Variants in COL6A6 observed in about 807,000 individuals in gnomAD.
COL6A6 encodes collagen type VI alpha 6 chain.
A neutral mutation model predicts 208.6 loss-of-function variants in COL6A6; 183 were observed. The observed-to-expected ratio is 0.88, with a 90% CI of 0.78 to 0.99. COL6A6 has a LOEUF of 0.99. Among genes scored for constraint, COL6A6 ranks in the 50% least tolerant of loss-of-function variants. COL6A6 has a pLI of 0.00. For missense variants in COL6A6, 2,816 were observed against 2,815.2 expected, an observed-to-expected ratio of 1.00 and a Z score of -0.01; for synonymous variants, 973 against 1,011.8, an observed-to-expected ratio of 0.96 and a Z score of 0.73.
rs1172793215 is a variant in COL6A6 at position 130,626,502 on chromosome 3, G to A, written c.4896G>A (p.Leu1632=). 1.9e-6 allele frequency: 3 copies of A among 1,613,172 alleles called. No homozygotes were observed. In the South Asian group the frequency reaches 3.3e-5, roughly 18 times the overall value. ...TTTAACAGGGAGAACCTGGAGATCTGGGAGAAAAAGGAGCTGTTGGCTTTC... is the reference window on the plus strand; with the variant it reads ...TTTAACAGGGAGAACCTGGAGATCTAGGAGAAAAAGGAGCTGTTGGCTTTC... ...SQGNKGEPGD[L]GEKGAVGFPG... The change falls in exon 25 of 37, where the codon CTG becomes CTA. Residue 1632 remains leucine, a synonymous_variant. Coordinates refer to ENST00000358511, the MANE Select transcript of COL6A6 (RefSeq NM_001102608.3).
chr3:130,673,102 C>T (rs2066262449), intron 36 of COL6A6, among the ~76,000 whole-genome samples: 1 of 147,832 alleles, frequency 6.8e-6, no homozygotes, highest in South Asian at 2.2e-4. Context: ...TTGCTTGAAC[C>T]CGGGAGGCAG....
At chr3:130,627,233 A>G in intron 25 of COL6A6, 86 bp from the exon 26 acceptor site, 1 of 1,330,906 alleles carries the variant, frequency 7.5e-7, no homozygotes, top group Non-Finnish European at 1.1e-6. Flanking sequence ...TATCAAACCA[A>G]AAAGCTGGCA....
intron 26 of COL6A6, among the ~76,000 whole-genome samples, chr3:130,627,968 G>T (rs1223832924): frequency 6.6e-6 from 1 of 152,132 alleles, no homozygotes; most frequent in Admixed American, 6.5e-5. Context: ...TATAGTTAAG[G>T]ATATCATGTC....
intron 23 of COL6A6, among the ~76,000 whole-genome samples, chr3:130,618,911 G>C (rs1453056620): frequency 6.6e-6 from 1 of 152,200 alleles, no homozygotes; most frequent in Middle Eastern, 3.2e-3. Context: ...ATTTATGTCT[G>C]AATGAAGAAT....
At chr3:130,581,415 CTCTT>C (rs1444928244) in intron 8 of COL6A6, 142 bp from the exon 9 acceptor site, 11 of 556,862 alleles carry the variant, frequency 2.0e-5, no homozygotes, top group African/African-American at 1.7e-4. Context: ...GATTCTTAGC[CTCTT>C]TCTTTATTCA....
intron 19 of COL6A6, among the ~76,000 whole-genome samples, chr3:130,599,151 A>G (rs894251304): frequency 2.6e-5 from 4 of 152,180 alleles, no homozygotes; most frequent in African/African-American, 9.7e-5. Context: ...TTAGAAGGTC[A>G]TGATGGGAAT....
chr3:130,551,448 G>C (rs565234397), intron 1 of COL6A6, among the ~76,000 whole-genome samples: 2 of 152,024 alleles, frequency 1.3e-5, no homozygotes, highest in African/African-American at 4.8e-5. Context: ...TCTAGTTTGT[G>C]TTCATAGAGC....
At chr3:130,556,054 G>C (rs7642460) in intron 1 of COL6A6, among the ~76,000 whole-genome samples, 1 of 151,964 alleles carries the variant, frequency 6.6e-6, no homozygotes, top group African/African-American at 2.4e-5. Context: ...GCCCTTCTCA[G>C]TCTTCAGGGA....
intron 1 of COL6A6, among the ~76,000 whole-genome samples, chr3:130,539,688 C>T (rs956181414): frequency 1.3e-5 from 2 of 152,008 alleles, no homozygotes; most frequent in African/African-American, 4.8e-5. Context: ...CTGCAGTACA[C>T]CATGAAAAAT....
chr3:130,574,099 G>A lies in COL6A6; in HGVS notation c.3121G>A (p.Ala1041Thr), dbSNP rs1219602760. ...CAGCCTCAACAGAGTGCGAATAGGA[G>A]CGGCCCAGTTTAGCGATACCTATCA... ...DVSLNRVRIG[A>T]AQFSDTYHPE... Residue 1041 changes from alanine (A) to threonine (T), a missense_variant, in exon 8 of 37, where the codon GCG becomes ACG. Ala to Thr is a moderately conservative substitution (Grantham distance 58). Transcript: ENST00000358511. 3.1e-6 allele frequency: 5 copies of A among 1,613,978 alleles called. No individual in the cohort carries two copies. The Admixed American group carries it at 8.3e-5, about 27-fold the overall frequency.
chr3:130,584,043 T>C (rs750243065), intron 10 of COL6A6, among the ~76,000 whole-genome samples: 25 of 152,162 alleles, frequency 1.6e-4, no homozygotes, highest in Non-Finnish European at 2.9e-4. Context: ...ATTAATTAAT[T>C]TTTTAGAATT....
intron 20 of COL6A6, among the ~76,000 whole-genome samples, chr3:130,606,595 A>G (rs986388147): frequency 2.6e-5 from 4 of 152,220 alleles, no homozygotes; most frequent in African/African-American, 9.6e-5. Flanking sequence ...ATAAAATTCA[A>G]ATAAGTCAAT....
In COL6A6 at chr3:130,641,652, A is replaced by G; in HGVS notation, c.5092A>G (p.Ile1698Val). Residue 1698 changes from isoleucine (I) to valine (V), a missense_variant and splice_region_variant, in exon 29 of 37, where the codon ATA (isoleucine) becomes GTA (valine). Physicochemically the swap from Ile to Val is conservative, Grantham distance 29. Transcript: ENST00000358511. Reference protein sequence around the residue: ...TGLKGARGKMISAGLPGEMGS... With the variant: ...TGLKGARGKMVSAGLPGEMGS... The stretch of plus-strand genomic sequence containing the variant: ...ATTTTAAAATAAATTCTCCTTTGAG[A>G]TATCTGCTGGGCTTCCAGGAGAGAT... 1 of 1,561,168 alleles carries G rather than the reference A, an allele frequency of 6.4e-7. No individual in the cohort carries two copies. The highest frequency in any genetic ancestry group is 8.8e-7 in the Non-Finnish European group (1 of 1,135,958).
At chr3:130,581,437 C>A (rs1207216460) in intron 8 of COL6A6, 124 bp from the exon 9 acceptor site, 4 of 653,782 alleles carry the variant, frequency 6.1e-6, no homozygotes, top group Non-Finnish European at 1.0e-5. Flanking sequence ...TCATTTATGC[C>A]TTTCTTTGTG....
chr3:130,664,024 T>C (rs1407045670), intron 35 of COL6A6, among the ~76,000 whole-genome samples: 1 of 152,238 alleles, frequency 6.6e-6, no homozygotes, highest in Non-Finnish European at 1.5e-5. Flanking sequence ...AGCCACTCAC[T>C]GTTCTGATGC....
intron 1 of COL6A6, among the ~76,000 whole-genome samples, chr3:130,542,896 CTCTTTTT>C (rs1354158590): frequency 3.5e-4 from 42 of 119,718 alleles, no homozygotes; most frequent in Non-Finnish European, 4.9e-4. Flanking sequence ...CATCCATTCA[CTCTTTTT>C]TTTTTTTTTT....
chr3:130,595,820 A>G (rs2063835941), intron 18 of COL6A6, among the ~76,000 whole-genome samples: 1 of 152,150 alleles, frequency 6.6e-6, no homozygotes, highest in Non-Finnish European at 1.5e-5. Flanking sequence ...TCTATATTTT[A>G]AGAGTAGAAT....
intron 1 of COL6A6, among the ~76,000 whole-genome samples, chr3:130,534,431 T>C (rs1347718709): frequency 6.6e-6 from 1 of 152,182 alleles, no homozygotes; most frequent in Non-Finnish European, 1.5e-5. Context: ...ATTTATGATG[T>C]CTTTTGTCAG....
At chr3:130,654,937 A>G (rs1374617958) in intron 33 of COL6A6, among the ~76,000 whole-genome samples, 2 of 152,176 alleles carry the variant, frequency 1.3e-5, no homozygotes, top group Non-Finnish European at 2.9e-5. Context: ...AATGGTCTTC[A>G]TACACTCTGA....
Sources: allele counts gnomAD v4.1 joint callset (sites outside exome capture counted in the v4.1 genomes callset), GRCh38; gene constraint gnomAD v4.1.1; transcripts MANE v1.5; gene names NCBI Gene and HGNC (gene_info 2026-07-23, HGNC 2026-07-21).